EYA1: variants seen among roughly 807,000 people sequenced by gnomAD.
The protein encoded by EYA1 is protein phosphatase EYA1.
EYA1 carries 16 observed loss-of-function variants against 82.0 expected under a neutral mutation model. That is an observed-to-expected ratio of 0.20 (90% confidence interval 0.13 to 0.30). EYA1 has a LOEUF of 0.30. EYA1 is among the 10% of genes least tolerant of loss of function. The pLI, the probability that EYA1 is intolerant of heterozygous loss-of-function variation, is 1.00. For synonymous variants in EYA1, 261 were observed against 264.4 expected, an observed-to-expected ratio of 0.99 and a Z score of 0.12; for missense variants, 633 against 730.7, an observed-to-expected ratio of 0.87 and a Z score of 1.54.
At chr8:71,497,234 A>C (rs961833674) in intron 2 of EYA1, among the ~76,000 whole-genome samples, 10 of 152,258 alleles carry the variant, frequency 6.6e-5, no homozygotes, top group Non-Finnish European at 7.3e-5. Flanking sequence ...TTACACAAAA[A>C]ATCTCATAAT....
chr8:71,357,969 T>C (rs1827044100), intron 1 of EYA1, among the ~76,000 whole-genome samples: 1 of 151,162 alleles, frequency 6.6e-6, no homozygotes. Context: ...TAAATTTCCT[T>C]TTTCTTTTTT....
intron 12 of EYA1, among the ~76,000 whole-genome samples, chr8:71,230,214 C>T (rs1335875331): frequency 2.0e-5 from 3 of 152,112 alleles, no homozygotes; most frequent in African/African-American, 4.8e-5. Flanking sequence ...GAATTCCTTT[C>T]TCTACTAAGC....
At chr8:71,423,080 T>C (rs1399455621) in intron 2 of EYA1, among the ~76,000 whole-genome samples, 1 of 152,138 alleles carries the variant, frequency 6.6e-6, no homozygotes, top group Non-Finnish European at 1.5e-5. Context: ...TTAAAGTATG[T>C]GGCTTTTTCC....
intron 2 of EYA1, among the ~76,000 whole-genome samples, chr8:71,420,218 T>A (rs1831069009): frequency 6.6e-6 from 1 of 152,226 alleles, no homozygotes; most frequent in Admixed American, 6.5e-5. Context: ...AAGATGCTAA[T>A]GTTGCTATAT....
intron 3 of EYA1, among the ~76,000 whole-genome samples, chr8:71,348,008 C>T (rs1208967599): frequency 6.6e-6 from 1 of 151,786 alleles, no homozygotes; most frequent in Non-Finnish European, 1.5e-5. Context: ...CCTTGATAAG[C>T]TTATGAAGAC....
intron 17 of EYA1, among the ~76,000 whole-genome samples, chr8:71,208,207 T>C (rs1808057448): frequency 6.7e-6 from 1 of 150,366 alleles, no homozygotes; most frequent in Admixed American, 6.6e-5. Flanking sequence ...CAGAGGCGAG[T>C]GGATCACTTG....
intron 2 of EYA1, among the ~76,000 whole-genome samples, chr8:71,533,047 G>A (rs1017070348): frequency 2.6e-5 from 4 of 152,202 alleles, no homozygotes; most frequent in African/African-American, 9.6e-5. Context: ...CCATTTGCAT[G>A]AACTTTTAGA....
intron 2 of EYA1, among the ~76,000 whole-genome samples, chr8:71,515,578 G>A (rs1490098493): frequency 1.3e-5 from 2 of 151,954 alleles, no homozygotes; most frequent in South Asian, 2.1e-4. Context: ...GTCTAGTATT[G>A]TTCAAATAAA....
intron 2 of EYA1, among the ~76,000 whole-genome samples, chr8:71,461,335 G>A (rs1282320519): frequency 6.6e-6 from 1 of 152,184 alleles, no homozygotes; most frequent in East Asian, 1.9e-4. Context: ...ACATTGCACA[G>A]TCAAACATGC....
intron 2 of EYA1, among the ~76,000 whole-genome samples, chr8:71,414,986 T>C (rs1204309206): frequency 6.6e-6 from 1 of 152,244 alleles, no homozygotes; most frequent in Non-Finnish European, 1.5e-5. Context: ...TTACAAAGTC[T>C]GACATATTTT....
At chr8:71,444,687 C>T (rs190078807) in intron 2 of EYA1, among the ~76,000 whole-genome samples, 2 of 151,844 alleles carry the variant, frequency 1.3e-5, no homozygotes, top group African/African-American at 4.8e-5. Flanking sequence ...TCTGATATAA[C>T]ACCAAGCCTA....
At chr8:71,371,591 C>G (rs1305674103) in intron 2 of EYA1, among the ~76,000 whole-genome samples, 1 of 151,952 alleles carries the variant, frequency 6.6e-6, no homozygotes, top group African/African-American at 2.4e-5. Context: ...TAAATATAAG[C>G]CAACAATTAA....
intron 17 of EYA1, among the ~76,000 whole-genome samples, chr8:71,203,727 T>G (rs1035580106): frequency 3.3e-5 from 5 of 151,880 alleles, no homozygotes; most frequent in Non-Finnish European, 5.9e-5. Flanking sequence ...CACAAATAGG[T>G]GGGGGCATTT....
intron 2 of EYA1, among the ~76,000 whole-genome samples, chr8:71,455,998 G>T (rs1003052445): frequency 1.1e-4 from 16 of 152,190 alleles, no homozygotes; most frequent in Middle Eastern, 3.4e-3. Flanking sequence ...GATTGTATAT[G>T]TAGAAAACCC....
intron 2 of EYA1, among the ~76,000 whole-genome samples, chr8:71,396,160 T>C (rs894564918): frequency 2.6e-5 from 4 of 152,102 alleles, no homozygotes; most frequent in East Asian, 3.8e-4. Context: ...TTTTTTATTG[T>C]GTCTATTTGA....
At chr8:71,531,790 A>C (rs1483723897) in intron 2 of EYA1, among the ~76,000 whole-genome samples, 1 of 152,194 alleles carries the variant, frequency 6.6e-6, no homozygotes. Flanking sequence ...AGATCATGAC[A>C]GAAATGATGT....
Position 71,202,706 on chromosome 8 carries a change from C to T in EYA1, c.1699-3286G>A, listed in dbSNP as rs1040809757. Among the ~76,000 whole-genome samples the T allele has an allele frequency of 1.4e-3, 215 of 152,304 alleles. 3 individuals carry two copies. The highest frequency in any genetic ancestry group is 4.9e-3 in the African/African-American group (202 of 41,570). ...AGAAAACTGGTAGATTCTGGGGACA[C>T]TCCACCCACAAGGATAGCAACTCTA... On this transcript the variant is annotated intron_variant, in intron 17 of 17. Transcript: ENST00000340726.
rs149575591 is a variant in EYA1 at position 71,439,384 on chromosome 8, G to C, written c.34-82873C>G. 1.3e-3 allele frequency among the ~76,000 whole-genome samples: 201 copies of C among 152,204 alleles called. 1 individual carries two copies. The highest frequency in any genetic ancestry group is 2.9e-3 in the Admixed American group (45 of 15,292). ...TATAAGTTGGAGGTGGGGGTAAAGGGGGTATGGAAAGAAACTTAGGAGTTG... is the reference window on the plus strand; with the variant it reads ...TATAAGTTGGAGGTGGGGGTAAAGGCGGTATGGAAAGAAACTTAGGAGTTG... On this transcript the variant is annotated intron_variant, in intron 2 of 18. Coordinates refer to the EYA1 transcript ENST00000643681.
rs564674548 is a variant in EYA1, at chr8:71,389,644, G to A, written c.34-33133C>T. ...TTCTAACAAAAGATATTAACACCTG[G>A]AAAAAACTGATTCAAAAAAATCAAA... is the stretch of plus-strand genomic sequence containing the variant. On this transcript the variant is annotated intron_variant, in intron 2 of 18. Coordinates refer to the EYA1 transcript ENST00000643681. 2.5e-3 allele frequency among the ~76,000 whole-genome samples: 386 copies of A among 152,172 alleles called. 4 individuals are homozygous for A. Among genetic ancestry groups the A allele is most frequent in the African/African-American group, 9.0e-3 (372 of 41,520 alleles).
Sources: allele counts gnomAD v4.1 joint callset (sites outside exome capture counted in the v4.1 genomes callset), GRCh38; gene constraint gnomAD v4.1.1; transcripts MANE v1.5; gene names NCBI Gene and HGNC (gene_info 2026-07-23, HGNC 2026-07-21).